Variants in CR1 observed in about 807,000 individuals in gnomAD.
The protein encoded by CR1 is complement C3b/C4b receptor 1 (Knops blood group).
A neutral mutation model predicts 187.3 loss-of-function variants in CR1; 116 were observed. The observed-to-expected ratio is 0.62, with a 90% CI of 0.53 to 0.72. The LOEUF is 0.72. CR1 is among the 30% of genes least tolerant of loss of function. CR1 has a pLI of 0.00. For missense variants in CR1, 1,731 were observed against 2,110.7 expected, an observed-to-expected ratio of 0.82 and a Z score of 3.52; for synonymous variants, 576 against 747.1, an observed-to-expected ratio of 0.77 and a Z score of 3.73.
intron 1 of CR1, among the ~76,000 whole-genome samples, chr1:207,499,133 A>G (rs1044902469): frequency 4.6e-5 from 7 of 152,190 alleles, no homozygotes; most frequent in Non-Finnish European, 5.9e-5. Flanking sequence ...CGTTTTAAAT[A>G]TAGACAATAT....
intron 31 of CR1, among the ~76,000 whole-genome samples, 186 bp from the exon 32 acceptor site, chr1:207,581,732 C>A (rs549588465): frequency 6.6e-6 from 1 of 152,232 alleles, no homozygotes; most frequent in African/African-American, 2.4e-5. Flanking sequence ...TACACTTTTT[C>A]CAAAATGATT....
intron 1 of CR1, among the ~76,000 whole-genome samples, chr1:207,503,253 T>C (rs771114006): frequency 2.0e-5 from 3 of 152,180 alleles, no homozygotes; most frequent in Non-Finnish European, 4.4e-5. Flanking sequence ...TAAGACCTCA[T>C]AGCCACTAAG....
chr1:207,609,864 C>T (rs558300629), intron 37 of CR1, among the ~76,000 whole-genome samples, 176 bp downstream of exon 37: 1 of 152,318 alleles, frequency 6.6e-6, no homozygotes, highest in African/African-American at 2.4e-5. Flanking sequence ...ATTCTCTCAT[C>T]TATAGTAGAC....
chr1:207,511,251 C>G (rs1659606276), intron 3 of CR1, among the ~76,000 whole-genome samples: 1 of 152,164 alleles, frequency 6.6e-6, no homozygotes, highest in East Asian at 1.9e-4. Context: ...TATATGACAG[C>G]TTCCCTGCAC....
intron 33 of CR1, among the ~76,000 whole-genome samples, chr1:207,586,643 C>T (rs1037802417): frequency 6.6e-5 from 10 of 152,186 alleles, no homozygotes; most frequent in African/African-American, 2.4e-4. Flanking sequence ...CAATTCTTTA[C>T]TTCTTCCATC....
At position 207,588,688 on chromosome 1, in the gene CR1, A is replaced by C; in HGVS notation, c.5724A>C (p.Gly1908=). ...TTCTTCCCCTAGGAAAATCATGTGG[A>C]CCTCCACCAGAACCCTTCAATGGAA... ...VEDNCRRKSC[G]PPPEPFNGMV... The change falls in exon 35 of 47, where the codon GGA becomes GGC. Residue 1908 remains glycine, a synonymous_variant. Coordinates refer to ENST00000367049, the MANE Select transcript of CR1 (RefSeq NM_000651.6). The C allele has an allele frequency of 6.2e-7, 1 of 1,612,074 alleles. No individual in the cohort carries two copies. The highest frequency in any genetic ancestry group is 1.7e-4 in the Middle Eastern group (1 of 6,058).
chr1:207,513,615 A>G (rs1659688895), intron 4 of CR1, among the ~76,000 whole-genome samples: 1 of 152,220 alleles, frequency 6.6e-6, no homozygotes, highest in South Asian at 2.1e-4. Context: ...AGAGAAAGTA[A>G]GTCTGGAAAA....
At chr1:207,591,743 T>TA (rs1313604826) in intron 35 of CR1, among the ~76,000 whole-genome samples, 1 of 151,754 alleles carries the variant, frequency 6.6e-6, no homozygotes, top group African/African-American at 2.4e-5. Flanking sequence ...ATAGACACAA[T>TA]AAAAAATGAT....
intron 4 of CR1, among the ~76,000 whole-genome samples, chr1:207,515,450 C>T (rs781218538): frequency 1.3e-5 from 2 of 151,764 alleles, no homozygotes; most frequent in African/African-American, 4.8e-5. Context: ...GAAGCCTTCC[C>T]GATGCCCTTT....
intron 4 of CR1, among the ~76,000 whole-genome samples, chr1:207,520,136 AAT>A (rs1266559132): frequency 6.6e-6 from 1 of 152,184 alleles, no homozygotes; most frequent in African/African-American, 2.4e-5. Context: ...ATCCATTTAG[AAT>A]ATGTTTAGCT....
intron 46 of CR1, among the ~76,000 whole-genome samples, chr1:207,635,113 G>C (rs1662772996): frequency 6.6e-6 from 1 of 152,174 alleles, no homozygotes; most frequent in Admixed American, 6.5e-5. Flanking sequence ...ATGGAATGCT[G>C]AAGGGGTGGG....
At chr1:207,520,923 A>G (rs1659955764) in intron 4 of CR1, among the ~76,000 whole-genome samples, 1 of 123,224 alleles carries the variant, frequency 8.1e-6, no homozygotes, top group Admixed American at 8.0e-5. Context: ...CTAGGTAAGA[A>G]TTTCTTTGTA....
intron 1 of CR1, among the ~76,000 whole-genome samples, chr1:207,500,006 T>C (rs919076766): frequency 6.6e-6 from 1 of 152,156 alleles, no homozygotes; most frequent in African/African-American, 2.4e-5. Flanking sequence ...TGTATACACA[T>C]TTTTTGTCAG....
intron 37 of CR1, 77 bp downstream of exon 37, chr1:207,609,765 A>C (rs1409076147): frequency 2.8e-6 from 4 of 1,410,532 alleles, no homozygotes; most frequent in Non-Finnish European, 2.8e-6. Flanking sequence ...TTAAGGAAGA[A>C]GTGTATAAGG....
intron 32 of CR1, 21 bp downstream of exon 32, chr1:207,582,024 T>C: frequency 6.4e-7 from 1 of 1,559,266 alleles, no homozygotes; most frequent in Middle Eastern, 1.7e-4. Context: ...GGAATACTTG[T>C]TCAGTCTGGA....
intron 33 of CR1, 73 bp from the exon 34 acceptor site, chr1:207,587,313 A>T: frequency 7.7e-7 from 1 of 1,300,048 alleles, no homozygotes; most frequent in South Asian, 1.4e-5. Context: ...CTATCAGCTT[A>T]ATTGAAGAGA....
At chr1:207,515,293 A>G (rs1400827059) in intron 4 of CR1, among the ~76,000 whole-genome samples, 3 of 149,104 alleles carry the variant, frequency 2.0e-5, no homozygotes, top group Non-Finnish European at 4.5e-5. Flanking sequence ...ATATGTATAC[A>G]TATATACACA....
In CR1 at chr1:207,506,800, T is replaced by C. The variant is rs755936644; in HGVS notation, c.388T>C (p.Ser130Pro). The C allele has an allele frequency of 4.3e-6, 7 of 1,612,976 alleles. No homozygotes were observed. The highest frequency in any genetic ancestry group is 5.9e-6 in the Non-Finnish European group (7 of 1,179,144). ...GIQFGSQIKY[S>P]CTKGYRLIGS... ...CCAGTTCGGATCCCAAATTAAATAT[T>C]CTTGTACTAAAGGGTGAGTTGGCAT... The change falls in exon 3 of 47, where the codon TCT becomes CCT. Residue 130 changes from serine to proline, a missense_variant. Ser to Pro is a moderately conservative substitution (Grantham distance 74). This residue lies in a region of CR1 where 237 missense variants were observed against 240.4 expected (regional missense o/e 0.99). Coordinates refer to ENST00000367049, the MANE Select transcript of CR1 (RefSeq NM_000651.6).
In CR1 at chr1:207,580,363, C is replaced by G. The variant is rs1660895845; in HGVS notation, c.5060C>G (p.Ser1687Cys). Residue 1687 changes from serine (S) to cysteine (C), a missense_variant, in exon 30 of 47, where the codon TCT (serine) becomes TGT (cysteine). This residue lies in a region of CR1 where 1,312 missense variants were observed against 1,379.6 expected (regional missense o/e 0.95). Transcript: ENST00000367049. ...EPGYDLRGAA[S>C]LHCTPQGDWS... Reference sequence around the variant, plus strand: ...GGCTATGACCTCAGAGGGGCTGCGTCTCTGCACTGCACACCCCAGGGAGAC... The same window carrying G: ...GGCTATGACCTCAGAGGGGCTGCGTGTCTGCACTGCACACCCCAGGGAGAC... The G allele has an allele frequency of 2.5e-6, 4 of 1,614,006 alleles. No individual in the cohort carries two copies. Among genetic ancestry groups the G allele is most frequent in the Non-Finnish European group, 2.5e-6 (3 of 1,179,884 alleles).
Sources: allele counts gnomAD v4.1 joint callset (sites outside exome capture counted in the v4.1 genomes callset), GRCh38; gene constraint gnomAD v4.1.1; regional missense constraint gnomAD v4.1.1; transcripts MANE v1.5; gene names NCBI Gene and HGNC (gene_info 2026-07-23, HGNC 2026-07-21).